The following NCOA6 variants were observed in gnomAD, a reference collection of about 807,000 sequenced individuals.
NCOA6 encodes the protein NRC RAP250.
NCOA6 carries 49 observed loss-of-function variants against 171.4 expected under a neutral mutation model. The observed-to-expected ratio is 0.29, with a 90% CI of 0.23 to 0.36. The LOEUF (loss-of-function observed/expected upper bound fraction) is 0.36. Among genes scored for constraint, NCOA6 ranks in the 10% least tolerant of loss-of-function variants. The pLI is 1.00. For missense variants in NCOA6, 2,248 were observed against 2,554.5 expected (o/e 0.88, Z 2.59); for synonymous variants, 910 against 927.5 (o/e 0.98, Z 0.34).
At chr20:34,784,384 C>T (rs934123567) in intron 2 of NCOA6, among the ~76,000 whole-genome samples, 1 of 151,980 alleles carries the variant, frequency 6.6e-6, no homozygotes, top group Non-Finnish European at 1.5e-5. Flanking sequence ...ACCACCGTGC[C>T]CAGCTAATTT....
chr20:34,803,932 A>T (rs1447981893), intron 1 of NCOA6, among the ~76,000 whole-genome samples: 1 of 151,908 alleles, frequency 6.6e-6, no homozygotes, highest in African/African-American at 2.4e-5. Context: ...CGGGAGGTGG[A>T]GGTTGCGCCA....
intron 5 of NCOA6, among the ~76,000 whole-genome samples, chr20:34,765,599 A>G (rs552137407): frequency 6.6e-6 from 1 of 152,082 alleles, no homozygotes; most frequent in Admixed American, 6.6e-5. Context: ...GTTCTCACCT[A>G]GGGGAAATTT....
chr20:34,756,864 T>C (rs1260086686), intron 7 of NCOA6, among the ~76,000 whole-genome samples: 1 of 152,232 alleles, frequency 6.6e-6, no homozygotes, highest in Non-Finnish European at 1.5e-5. Context: ...CTCTATTGCA[T>C]AATCTTAATT....
At chr20:34,799,164 C>T (rs1187011225) in intron 1 of NCOA6, among the ~76,000 whole-genome samples, 4 of 151,646 alleles carry the variant, frequency 2.6e-5, no homozygotes, top group Non-Finnish European at 5.9e-5. Flanking sequence ...TTAAAAAAAT[C>T]AAGCAGAAAT....
chr20:34,813,744 T>C (rs2078746811), intron 1 of NCOA6, among the ~76,000 whole-genome samples: 1 of 152,120 alleles, frequency 6.6e-6, no homozygotes, highest in South Asian at 2.1e-4. Flanking sequence ...ACTGTACTAT[T>C]ATTCCTGGGG....
In NCOA6 at chr20:34,749,383, G is replaced by A. The variant is rs562139192; in HGVS notation, c.2792+20C>T. 6.4e-7 allele frequency: 1 copy of A among 1,563,748 alleles called. No homozygotes were observed. The highest frequency in any genetic ancestry group is 2.3e-5 in the East Asian group (1 of 44,278). ...AGAAAACAAATGAATAAAATTTGAGGCAAAACCATCACAACCTACTTTAGA... is the reference window on the plus strand; with the variant it reads ...AGAAAACAAATGAATAAAATTTGAGACAAAACCATCACAACCTACTTTAGA... On this transcript the variant is annotated intron_variant, in intron 9 of 14. Transcript: ENST00000359003.
chr20:34,761,819 C>T (rs1211951324), intron 5 of NCOA6, among the ~76,000 whole-genome samples: 2 of 152,004 alleles, frequency 1.3e-5, no homozygotes, highest in African/African-American at 4.8e-5. Context: ...CCATGCCTGG[C>T]TAATTTTTGT....
chr20:34,811,970 C>T (rs2078678259), intron 1 of NCOA6, among the ~76,000 whole-genome samples: 1 of 152,142 alleles, frequency 6.6e-6, no homozygotes, highest in Non-Finnish European at 1.5e-5. Flanking sequence ...TTCATGGTGG[C>T]CGGGCACGGT....
intron 1 of NCOA6, among the ~76,000 whole-genome samples, chr20:34,793,750 A>G (rs753893800): frequency 6.6e-6 from 1 of 152,196 alleles, no homozygotes; most frequent in Non-Finnish European, 1.5e-5. Context: ...AATACTTGCA[A>G]TCATATCAGT....
intron 1 of NCOA6, among the ~76,000 whole-genome samples, chr20:34,801,518 T>G (rs1601093461): frequency 6.6e-6 from 1 of 152,138 alleles, no homozygotes; most frequent in East Asian, 1.9e-4. Context: ...ACATTACAAC[T>G]GATACTTCAG....
At chr20:34,717,674 T>C (rs1988773770) in intron 14 of NCOA6, among the ~76,000 whole-genome samples, 1 of 152,198 alleles carries the variant, frequency 6.6e-6, no homozygotes, top group Non-Finnish European at 1.5e-5. Flanking sequence ...TTAATAATGG[T>C]GTTCTTTATT....
chr20:34,789,739 A>C (rs552181398), intron 2 of NCOA6, among the ~76,000 whole-genome samples: 25 of 152,286 alleles, frequency 1.6e-4, no homozygotes, highest in Non-Finnish European at 2.9e-4. Flanking sequence ...GTGAGCTGAA[A>C]TTGTGCTACT....
intron 1 of NCOA6, among the ~76,000 whole-genome samples, chr20:34,817,275 C>T (rs1202451546): frequency 6.6e-6 from 1 of 151,554 alleles, no homozygotes; most frequent in African/African-American, 2.4e-5. Flanking sequence ...GGAGGGGTTG[C>T]AGCTGGTTAA....
At position 34,782,290 on chromosome 20, in the gene NCOA6, T is replaced by A; in HGVS notation, c.66A>T (p.Glu22Asp). ...IYTSLCSSTM[E>D]DSEMDFDSGL... Reference sequence around the variant, plus strand: ...CAGAGTCAAAATCCATCTCTGAGTCTTCCATTGTTGATGAACACAAGGAAG... The same window carrying A: ...CAGAGTCAAAATCCATCTCTGAGTCATCCATTGTTGATGAACACAAGGAAG... The change falls in exon 3 of 15, where the codon GAA (glutamate) becomes GAT (aspartate). Residue 22 changes from glutamate to aspartate, a missense_variant. Physicochemically the swap from Glu to Asp is conservative, Grantham distance 45. Around this residue, in one of 7 missense-constraint regions of NCOA6, gnomAD observed 987 missense variants for 1,104.7 expected, o/e 0.89. Transcript: ENST00000359003. 6.2e-7 allele frequency: 1 copy of A among 1,613,010 alleles called. No homozygotes were observed. The highest frequency in any genetic ancestry group is 8.5e-7 in the Non-Finnish European group (1 of 1,179,574).
chr20:34,779,415 G>T (rs1200735862), intron 3 of NCOA6, among the ~76,000 whole-genome samples: 1 of 152,204 alleles, frequency 6.6e-6, no homozygotes, highest in Admixed American at 6.5e-5. Flanking sequence ...TTGGGAAGCT[G>T]AGGTGGGAGA....
At chr20:34,754,990 C>A (rs2076603124) in intron 7 of NCOA6, 122 bp from the exon 8 acceptor site, 2 of 890,054 alleles carry the variant, frequency 2.2e-6, no homozygotes, top group African/African-American at 1.7e-5. Flanking sequence ...CTCTGTCACA[C>A]TGGTAGGATC....
Position 34,718,880 on chromosome 20 carries a change from C to T in NCOA6, c.6149-3515G>A, listed in dbSNP as rs4911439. Among the ~76,000 whole-genome samples, 637 of 152,320 alleles carry T rather than the reference C, an allele frequency of 4.2e-3. 2 individuals are homozygous for T. The highest frequency in any genetic ancestry group is 6.2e-3 in the Non-Finnish European group (425 of 68,022). The stretch of plus-strand genomic sequence containing the variant: ...TGATCCAGTCAGGGTGTACCTCAGA[C>T]TGTGATTGGCACGCTGTTCCTAAAG... On this transcript the variant is annotated intron_variant, in intron 14 of 14. Transcript: ENST00000359003.
chr20:34,817,703 G>A (rs1265359907), intron 1 of NCOA6, among the ~76,000 whole-genome samples: 1 of 152,194 alleles, frequency 6.6e-6, no homozygotes, highest in African/African-American at 2.4e-5. Flanking sequence ...AGACACTGGA[G>A]CTGAAGGGAG....
At chr20:34,823,774 C>T (rs2079075087) in intron 1 of NCOA6, among the ~76,000 whole-genome samples, 1 of 152,052 alleles carries the variant, frequency 6.6e-6, no homozygotes, top group African/African-American at 2.4e-5. Context: ...CATAGCATGG[C>T]TCATTGCAGC....
Sources: allele counts gnomAD v4.1 joint callset (sites outside exome capture counted in the v4.1 genomes callset), GRCh38; gene constraint gnomAD v4.1.1; regional missense constraint gnomAD v4.1.1; transcripts MANE v1.5; gene names NCBI Gene and HGNC (gene_info 2026-07-23, HGNC 2026-07-21).